Variants in PTPRS observed in about 807,000 individuals in gnomAD.
The protein encoded by PTPRS is protein tyrosine phosphatase receptor type S.
PTPRS carries 63 observed loss-of-function variants against 215.3 expected under a neutral mutation model. The ratio of observed to expected loss-of-function variants is 0.29; its 90% CI spans 0.24 to 0.36. PTPRS has a LOEUF of 0.36. PTPRS is among the 10% of genes least tolerant of loss of function. PTPRS has a pLI of 1.00. For missense variants in PTPRS, 2,258 were observed against 2,825.8 expected, an observed-to-expected ratio of 0.80 and a Z score of 4.56; for synonymous variants, 1,404 against 1,191.4, an observed-to-expected ratio of 1.18 and a Z score of -3.68.
chr19:5,328,842 T>C (rs1600137604), intron 1 of PTPRS, among the ~76,000 whole-genome samples: 1 of 152,010 alleles, frequency 6.6e-6, no homozygotes, highest in African/African-American at 2.4e-5. Flanking sequence ...TGTGGCTGCC[T>C]CTCCCTGCAA....
In PTPRS at chr19:5,293,454, A is replaced by C. The variant is rs2049012438; in HGVS notation, c.-94-7220T>G. ...GCGCGGAGAGCCTCCGCAGGAGTCC[A>C]TGAAACACTGAGCGAAGGGGCGCCC... is the stretch of plus-strand genomic sequence containing the variant. On this transcript the variant is annotated intron_variant, in intron 1 of 37. Coordinates refer to ENST00000262963, the MANE Select transcript of PTPRS (RefSeq NM_002850.4). This position sits in a 1 kb window ranked among gnomAD's most constrained non-coding sequence, Gnocchi z 8.4. Among the ~76,000 whole-genome samples the C allele has an allele frequency of 6.6e-6, 1 of 151,848 alleles. No homozygotes were observed. The highest frequency in any genetic ancestry group is 1.5e-5 in the Non-Finnish European group (1 of 67,914).
chr19:5,242,181 G>C (rs554860148), intron 11 of PTPRS, among the ~76,000 whole-genome samples: 1 of 141,222 alleles, frequency 7.1e-6, no homozygotes, highest in African/African-American at 2.8e-5. Context: ...CCTCTAATGA[G>C]AACAGATGAG....
Position 5,215,380 on chromosome 19 carries a change from T to G in PTPRS, c.4227A>C (p.Glu1409Asp). 3 of 1,614,090 alleles carry G rather than the reference T, an allele frequency of 1.9e-6. No homozygotes were observed. Among genetic ancestry groups the G allele is most frequent in the Non-Finnish European group, 2.5e-6 (3 of 1,180,004 alleles). Reference protein sequence around the residue: ...SIDPGQQFTWEHSNLEVNKPK... With the variant: ...SIDPGQQFTWDHSNLEVNKPK... ...GCTTGTTCACTTCCAGGTTGGAATG[T>G]TCCCATGTGAACTGCTGTCCAGGGT... is the stretch of plus-strand genomic sequence containing the variant. Residue 1409 changes from glutamate (E) to aspartate (D), a missense_variant, in exon 28 of 38, where the codon GAA (glutamate) becomes GAC (aspartate). Around this residue, in one of 6 missense-constraint regions of PTPRS, gnomAD observed 927 missense variants for 1,125.9 expected, o/e 0.82. Coordinates refer to ENST00000262963, the MANE Select transcript of PTPRS (RefSeq NM_002850.4).
At chr19:5,224,754 A>C (rs2145470616) in intron 17 of PTPRS, among the ~76,000 whole-genome samples, 1 of 152,306 alleles carries the variant, frequency 6.6e-6, no homozygotes, top group East Asian at 1.9e-4. Context: ...GGGAGAGATC[A>C]CAGGAGGCTG....
Position 5,220,372 on chromosome 19 carries a change from G to GAGTC in PTPRS, c.3456-23_3456-20dup. 1 of 1,600,018 alleles carries GAGTC rather than the reference G, an allele frequency of 6.2e-7. No individual in the cohort carries two copies. The highest frequency in any genetic ancestry group is 8.6e-7 in the Non-Finnish European group (1 of 1,168,694). On this transcript the variant is annotated intron_variant, in intron 20 of 37. Coordinates refer to ENST00000262963, the MANE Select transcript of PTPRS (RefSeq NM_002850.4). ...ATAGCTCCTGTAGGGAGATGGGAAA[G>GAGTC]AGTCAGAGGGGCTGTCGATAGGGAT...
intron 4 of PTPRS, among the ~76,000 whole-genome samples, chr19:5,271,390 C>A (rs1599844509): frequency 6.7e-6 from 1 of 148,928 alleles, no homozygotes; most frequent in East Asian, 1.9e-4. Flanking sequence ...CATTATTACC[C>A]GATTTTTTTT....
chr19:5,211,601 A>C lies in PTPRS; in HGVS notation c.5223T>G (p.Ile1741Met). The C allele has an allele frequency of 6.2e-7, 1 of 1,608,138 alleles. No homozygotes were observed. Among genetic ancestry groups the C allele is most frequent in the Non-Finnish European group, 8.5e-7 (1 of 1,175,098 alleles). ...GGCATGGCACCTACCTGTAGCCATCAATGAAGCTGGCGTTGATGTAGTCAG... is the reference window on the plus strand; with the variant it reads ...GGCATGGCACCTACCTGTAGCCATCCATGAAGCTGGCGTTGATGTAGTCAG... ...EGSDYINASF[I>M]DGYRQQKAYI... Residue 1741 changes from isoleucine to methionine, a missense_variant, in exon 33 of 38, where the codon ATT becomes ATG. Around this residue, in one of 6 missense-constraint regions of PTPRS, gnomAD observed 927 missense variants for 1,125.9 expected, o/e 0.82. Coordinates refer to ENST00000262963, the MANE Select transcript of PTPRS (RefSeq NM_002850.4).
chr19:5,231,015 C>T (rs1356155994), intron 14 of PTPRS, among the ~76,000 whole-genome samples: 1 of 152,212 alleles, frequency 6.6e-6, no homozygotes, highest in Non-Finnish European at 1.5e-5. Context: ...GCCACTTCCT[C>T]CACCCCATTT....
chr19:5,327,119 C>T (rs1183150774), intron 1 of PTPRS, among the ~76,000 whole-genome samples: 2 of 152,204 alleles, frequency 1.3e-5, no homozygotes, highest in East Asian at 1.9e-4. Context: ...CCCTGCGACT[C>T]GGTCTGCGCA....
intron 6 of PTPRS, among the ~76,000 whole-genome samples, chr19:5,261,162 G>A (rs936975036): frequency 6.6e-6 from 1 of 152,122 alleles, no homozygotes; most frequent in Non-Finnish European, 1.5e-5. Context: ...TGGCCCTTTG[G>A]TGGCCTTCCC....
At chr19:5,247,499 A>G (rs2044607058) in intron 9 of PTPRS, among the ~76,000 whole-genome samples, 3 of 152,190 alleles carry the variant, frequency 2.0e-5, no homozygotes, top group African/African-American at 7.2e-5. Flanking sequence ...TCCTTCTAGC[A>G]GGAAAAGGGG....
intron 2 of PTPRS, among the ~76,000 whole-genome samples, chr19:5,278,949 G>T (rs1048825856): frequency 2.0e-5 from 3 of 151,950 alleles, no homozygotes; most frequent in African/African-American, 7.3e-5. Context: ...CCAGCACTTT[G>T]AGAGGCTGGG....
intron 16 of PTPRS, among the ~76,000 whole-genome samples, chr19:5,228,347 G>GAAA (rs71170899): frequency 0.57 from 59,651 of 104,874 alleles, 17,810 homozygotes; most frequent in East Asian, 0.7. Context: ...TCCGTCTGGA[G>GAAA]AAAAAAAAAA....
chr19:5,315,527 C>T (rs1270447244), intron 1 of PTPRS, among the ~76,000 whole-genome samples: 2 of 144,698 alleles, frequency 1.4e-5, no homozygotes, highest in Non-Finnish European at 3.0e-5. Flanking sequence ...TCATACTTGG[C>T]TAATTTTTAA....
chr19:5,294,106 G>A lies in PTPRS; in HGVS notation c.-94-7872C>T, dbSNP rs1181377897. On this transcript the variant is annotated intron_variant, in intron 1 of 37. Transcript: ENST00000262963. This position sits in a 1 kb window ranked among gnomAD's most constrained non-coding sequence, Gnocchi z 5.1. ...CCGGGATGGAGACCCAAGGGCTCCC[G>A]CGTCTGCTCCCATCCCTGGAAAAAA... 1 of 152,234 alleles carries A rather than the reference G, an allele frequency of 6.6e-6. No individual in the cohort carries two copies. Among genetic ancestry groups the A allele is most frequent in the Non-Finnish European group, 1.5e-5 (1 of 68,052 alleles). The allele number at this position is 152,234 out of a possible 1,614,324, so 9.4% of individuals were successfully genotyped here.
intron 24 of PTPRS, 65 bp downstream of exon 24, chr19:5,218,722 T>A: frequency 6.3e-7 from 1 of 1,582,910 alleles, no homozygotes; most frequent in Non-Finnish European, 8.7e-7. Context: ...GTGGGCACAC[T>A]ATCAGCCCAT....
chr19:5,316,937 C>A (rs2049893485), intron 1 of PTPRS, among the ~76,000 whole-genome samples: 1 of 152,168 alleles, frequency 6.6e-6, no homozygotes, highest in Admixed American at 6.5e-5. Flanking sequence ...GGCGGCTGCC[C>A]CACTGCCCCG....
Position 5,206,597 on chromosome 19 carries a change from CG to C in PTPRS, c.*176del, listed in dbSNP as rs1185868259. 5 of 558,184 alleles carry C rather than the reference CG, an allele frequency of 9.0e-6. No homozygotes were observed. The Admixed American group carries it at 1.3e-4, about 15-fold the overall frequency. 34.6% of individuals were successfully genotyped at this position (558,184 alleles called of 1,614,324 possible). ...GTGCCAGGGAGGTCGCTGGGGCGGCCGGGGCCGGTGGGGGGGCTCGAGGGGC... is the reference window on the plus strand; with the variant it reads ...GTGCCAGGGAGGTCGCTGGGGCGGCCGGGCCGGTGGGGGGGCTCGAGGGGC... On this transcript the variant is annotated 3_prime_UTR_variant, in exon 38 of 38. Coordinates refer to ENST00000262963, the MANE Select transcript of PTPRS (RefSeq NM_002850.4).
chr19:5,226,457 G>A (rs1599502729), intron 16 of PTPRS, among the ~76,000 whole-genome samples: 3 of 152,112 alleles, frequency 2.0e-5, no homozygotes, highest in East Asian at 1.9e-4. Context: ...GAGGCTGGGC[G>A]CAGTGGCTGA....
Sources: gnomAD v4.1 joint callset for allele counts (sites outside exome capture counted in the v4.1 genomes callset) on GRCh38, gnomAD v4.1.1 for gene constraint, gnomAD v4.1.1 regional missense constraint, Gnocchi (gnomAD v3.1) non-coding constraint, MANE v1.5 for transcripts, NCBI Gene and HGNC (gene_info 2026-07-23, HGNC 2026-07-21) for gene names.